Variants in PRKD1 observed in about 807,000 individuals in gnomAD.
PRKD1 encodes the protein serine/threonine-protein kinase D1.
PRKD1 carries 63 observed loss-of-function variants against 95.9 expected under a neutral mutation model. That is an observed-to-expected ratio of 0.66 (90% confidence interval 0.54 to 0.81). The LOEUF is 0.81. PRKD1 is among the 30% of genes least tolerant of loss of function. The probability of loss-of-function intolerance (pLI) is 0.00; values close to 1 mark genes in which losing one functional copy is unlikely to be tolerated. For missense variants in PRKD1, 1,048 were observed against 1,165.3 expected, an observed-to-expected ratio of 0.90 and a Z score of 1.47; for synonymous variants, 425 against 423.1, an observed-to-expected ratio of 1.00 and a Z score of -0.05.
At chr14:29,816,804 C>A (rs1890711287) in intron 1 of PRKD1, among the ~76,000 whole-genome samples, 1 of 152,054 alleles carries the variant, frequency 6.6e-6, no homozygotes, top group African/African-American at 2.4e-5. Flanking sequence ...TTTTATGTGA[C>A]CCTATGATTA....
rs1880338571 is a variant in PRKD1 at position 29,635,981 on chromosome 14, C to G, written c.1190+309G>C. Among the ~76,000 whole-genome samples the G allele has an allele frequency of 2.0e-5, 3 of 151,278 alleles. No homozygotes were observed. In the South Asian group the frequency reaches 6.2e-4, roughly 31 times the overall value. Reference sequence around the variant, plus strand: ...ATTTTTGTTGTTTCTACACAATGAGCTTCAAATTAATATTAACTTAGTAAT... The same window carrying G: ...ATTTTTGTTGTTTCTACACAATGAGGTTCAAATTAATATTAACTTAGTAAT... On this transcript the variant is annotated intron_variant, in intron 7 of 17. Coordinates refer to ENST00000331968, the MANE Select transcript of PRKD1 (RefSeq NM_002742.3).
intron 1 of PRKD1, among the ~76,000 whole-genome samples, chr14:29,743,470 C>T (rs771816757): frequency 6.6e-6 from 1 of 151,688 alleles, no homozygotes. Flanking sequence ...AAGCAGAGAA[C>T]CAAAAAAAAT....
chr14:29,913,791 C>A (rs768177792), intron 1 of PRKD1, among the ~76,000 whole-genome samples: 11 of 152,284 alleles, frequency 7.2e-5, no homozygotes, highest in African/African-American at 2.6e-4. Context: ...AACTGACGCC[C>A]TGTGTCCAAC....
At chr14:29,882,993 A>C (rs1447531848) in intron 1 of PRKD1, among the ~76,000 whole-genome samples, 2 of 152,182 alleles carry the variant, frequency 1.3e-5, no homozygotes, top group East Asian at 3.9e-4. Flanking sequence ...GAGGTTGGGT[A>C]ATTTATAAAG....
At chr14:29,838,001 G>A (rs973753532) in intron 1 of PRKD1, among the ~76,000 whole-genome samples, 2 of 152,124 alleles carry the variant, frequency 1.3e-5, no homozygotes, top group Non-Finnish European at 2.9e-5. Context: ...CTGTGGGCTT[G>A]GGAAACTATC....
At chr14:29,762,592 T>G (rs1258648322) in intron 1 of PRKD1, among the ~76,000 whole-genome samples, 1 of 152,242 alleles carries the variant, frequency 6.6e-6, no homozygotes, top group Non-Finnish European at 1.5e-5. Flanking sequence ...TTCTGACAAC[T>G]ATTTCACTAA....
At chr14:29,885,898 T>C (rs1364945307) in intron 1 of PRKD1, among the ~76,000 whole-genome samples, 1 of 141,524 alleles carries the variant, frequency 7.1e-6, no homozygotes, top group African/African-American at 2.7e-5. Flanking sequence ...ACCTAGGAGG[T>C]GGAGGTTGCA....
chr14:29,625,699 T>C (rs2139095169), intron 12 of PRKD1, among the ~76,000 whole-genome samples: 1 of 152,300 alleles, frequency 6.6e-6, no homozygotes, highest in African/African-American at 2.4e-5. Flanking sequence ...AGACTCAACA[T>C]TACATTGTGA....
intron 1 of PRKD1, among the ~76,000 whole-genome samples, chr14:29,792,761 G>A (rs1376767032): frequency 6.6e-6 from 1 of 151,962 alleles, no homozygotes; most frequent in African/African-American, 2.4e-5. Context: ...CAAATACCTG[G>A]GCATAGCAAT....
At chr14:29,800,028 A>T (rs1889962929) in intron 1 of PRKD1, among the ~76,000 whole-genome samples, 1 of 152,218 alleles carries the variant, frequency 6.6e-6, no homozygotes, top group Non-Finnish European at 1.5e-5. Context: ...TGTGTCTCAC[A>T]GAGAAAATAC....
Position 29,927,571 on chromosome 14 carries a change from G to C in PRKD1, c.-59C>G. ...GCGGGGGCTGGCGGCGCGGCAGCAG[G>C]AAAGTTTTGCAGCCGCTGAGCCAGG... On this transcript the variant is annotated 5_prime_UTR_variant, in exon 1 of 18. Coordinates refer to ENST00000331968, the MANE Select transcript of PRKD1 (RefSeq NM_002742.3). The C allele has an allele frequency of 1.1e-5, 12 of 1,106,486 alleles. No homozygotes were observed. The highest frequency in any genetic ancestry group is 1.3e-5 in the Non-Finnish European group (12 of 907,368). 68.5% of individuals were successfully genotyped at this position (1,106,486 alleles called of 1,614,324 possible). A position where few individuals can be genotyped will look rare whatever the true frequency, so the allele number is the denominator to read the frequency against.
chr14:29,631,561 G>A (rs538969557), intron 9 of PRKD1, among the ~76,000 whole-genome samples: 4 of 150,736 alleles, frequency 2.7e-5, no homozygotes, highest in African/African-American at 4.9e-5. Context: ...GTGCAGTGGC[G>A]TGATCTCGGC....
chr14:29,779,311 A>G (rs1329888604), intron 1 of PRKD1, among the ~76,000 whole-genome samples: 1 of 152,138 alleles, frequency 6.6e-6, no homozygotes, highest in East Asian at 1.9e-4. Flanking sequence ...AGAAAGAAAT[A>G]AAGAGTATTC....
intron 2 of PRKD1, among the ~76,000 whole-genome samples, chr14:29,707,739 T>C (rs1286855323): frequency 1.3e-5 from 2 of 152,158 alleles, no homozygotes; most frequent in East Asian, 1.9e-4. Flanking sequence ...TGTTTGTATA[T>C]GAAACTCACT....
At position 29,896,319 on chromosome 14, in the gene PRKD1, G is replaced by A. The variant is rs978137216; in HGVS notation, c.264+30930C>T. 3.3e-5 allele frequency among the ~76,000 whole-genome samples: 5 copies of A among 151,780 alleles called. No individual in the cohort carries two copies. The East Asian group carries it at 5.8e-4, about 18-fold the overall frequency. On this transcript the variant is annotated intron_variant, in intron 1 of 17. Transcript: ENST00000331968. ...TTCAGAAAATCTGTTTTCCATTAACGTTTCCCAATTATAAGGTTTTTAAGG... is the reference window on the plus strand; with the variant it reads ...TTCAGAAAATCTGTTTTCCATTAACATTTCCCAATTATAAGGTTTTTAAGG...
At chr14:29,604,364 CA>C (rs1404046011) in intron 13 of PRKD1, among the ~76,000 whole-genome samples, 5 of 152,106 alleles carry the variant, frequency 3.3e-5, no homozygotes, top group African/African-American at 1.2e-4. Context: ...CCTATCTTTG[CA>C]ATAGGTCTTT....
intron 2 of PRKD1, among the ~76,000 whole-genome samples, chr14:29,685,897 C>T (rs1285584176): frequency 6.6e-6 from 1 of 152,066 alleles, no homozygotes; most frequent in Non-Finnish European, 1.5e-5. Flanking sequence ...TTTTTTAACT[C>T]AGAATTTCTA....
intron 13 of PRKD1, among the ~76,000 whole-genome samples, chr14:29,617,354 C>G (rs1348213373): frequency 6.6e-6 from 1 of 151,948 alleles, no homozygotes; most frequent in Non-Finnish European, 1.5e-5. Flanking sequence ...CTGTGCCCAG[C>G]CATTGTTCTG....
intron 1 of PRKD1, among the ~76,000 whole-genome samples, chr14:29,883,866 A>T (rs528571222): frequency 3.9e-5 from 6 of 152,310 alleles, no homozygotes; most frequent in Admixed American, 6.5e-5. Context: ...CTGCTCTCAG[A>T]TGCATCACTG....
Sources: gnomAD v4.1 joint callset for allele counts (sites outside exome capture counted in the v4.1 genomes callset) on GRCh38, gnomAD v4.1.1 for gene constraint, MANE v1.5 for transcripts, NCBI Gene and HGNC (gene_info 2026-07-23, HGNC 2026-07-21) for gene names.